ERBB4: variants seen among roughly 807,000 people sequenced by gnomAD.
ERBB4 encodes the protein erb-b2 receptor tyrosine kinase 4.
A neutral mutation model predicts 158.0 loss-of-function variants in ERBB4; 42 were observed. That is an observed-to-expected ratio of 0.27 (90% confidence interval 0.21 to 0.34). The LOEUF (loss-of-function observed/expected upper bound fraction) is 0.34, where lower values mean the gene tolerates loss of function less well. Among genes scored for constraint, ERBB4 ranks in the 10% least tolerant of loss-of-function variants. ERBB4 has a pLI of 1.00. For missense variants in ERBB4, 1,333 were observed against 1,624.1 expected, an observed-to-expected ratio of 0.82 and a Z score of 3.08; for synonymous variants, 583 against 558.7, an observed-to-expected ratio of 1.04 and a Z score of -0.61.
At chr2:212,239,933 A>C (rs912115054) in intron 1 of ERBB4, among the ~76,000 whole-genome samples, 2 of 152,226 alleles carry the variant, frequency 1.3e-5, no homozygotes, top group Non-Finnish European at 2.9e-5. Context: ...GCAAACTAAT[A>C]CACAAAGAAG....
intron 4 of ERBB4, chr2:211,779,630 T>C (rs773988210): frequency 6.6e-6 from 1 of 152,214 alleles, no homozygotes; most frequent in Non-Finnish European, 1.5e-5. Context: ...GTTATACTAA[T>C]AATCTTTATG....
chr2:212,336,466 C>A (rs944930692), intron 1 of ERBB4, among the ~76,000 whole-genome samples: 2 of 151,952 alleles, frequency 1.3e-5, no homozygotes, highest in African/African-American at 2.4e-5. Context: ...CTCATAAGCA[C>A]AAAATGCACT....
intron 4 of ERBB4, among the ~76,000 whole-genome samples, chr2:211,764,745 G>A (rs918913692): frequency 2.0e-5 from 3 of 151,622 alleles, no homozygotes; most frequent in African/African-American, 7.2e-5. Context: ...TTGGGACAAA[G>A]GAGGGAAGAG....
chr2:212,333,148 G>A (rs549064448), intron 1 of ERBB4, among the ~76,000 whole-genome samples: 1 of 152,050 alleles, frequency 6.6e-6, no homozygotes, highest in South Asian at 2.1e-4. Flanking sequence ...TCAGAATTTA[G>A]TCACTCATTC....
intron 3 of ERBB4, among the ~76,000 whole-genome samples, chr2:211,908,595 G>A (rs1397476458): frequency 6.6e-6 from 1 of 151,634 alleles, no homozygotes; most frequent in African/African-American, 2.4e-5. Flanking sequence ...CCATGATTCC[G>A]AACACCCACT....
At chr2:211,402,001 C>A (rs1396581993) in intron 25 of ERBB4, among the ~76,000 whole-genome samples, 2 of 151,356 alleles carry the variant, frequency 1.3e-5, no homozygotes, top group Non-Finnish European at 2.9e-5. Context: ...AATTATTAAG[C>A]CAGGGTGCAG....
At chr2:212,286,597 T>TTTTTTTTTTTGTTTTG (rs1559928421) in intron 1 of ERBB4, among the ~76,000 whole-genome samples, 43 of 22,470 alleles carry the variant, frequency 1.9e-3, no homozygotes, top group Middle Eastern at 0.033. Context: ...GTGCTGACTT[T>TTTTTTTTTTTGTTTTG]TTTTTTTTTT....
chr2:211,541,747 C>T (rs1197704169), intron 20 of ERBB4, among the ~76,000 whole-genome samples: 1 of 152,002 alleles, frequency 6.6e-6, no homozygotes, highest in Non-Finnish European at 1.5e-5. Context: ...TATAACATTT[C>T]ATCAGTGCTA....
intron 20 of ERBB4, among the ~76,000 whole-genome samples, chr2:211,432,731 A>G (rs561114236): frequency 4.5e-4 from 68 of 152,284 alleles, no homozygotes; most frequent in African/African-American, 1.6e-3. Flanking sequence ...TATCACCTTC[A>G]TATCAGAACA....
At chr2:211,905,969 A>G (rs1393624627) in intron 3 of ERBB4, among the ~76,000 whole-genome samples, 1 of 151,694 alleles carries the variant, frequency 6.6e-6, no homozygotes, top group Non-Finnish European at 1.5e-5. Context: ...TATGGCTGGA[A>G]TGCAGTGAGA....
intron 20 of ERBB4, among the ~76,000 whole-genome samples, chr2:211,511,384 T>G (rs565001657): frequency 1.3e-5 from 2 of 152,040 alleles, no homozygotes; most frequent in East Asian, 1.9e-4. Context: ...TACATGTTCT[T>G]GAATAAATAC....
intron 1 of ERBB4, among the ~76,000 whole-genome samples, chr2:212,146,301 T>A (rs1367477715): frequency 6.6e-6 from 1 of 152,212 alleles, no homozygotes; most frequent in East Asian, 1.9e-4. Context: ...GGGACTTCTA[T>A]TTTCTGTTTT....
chr2:211,376,728 C>CT lies in ERBB4; in HGVS notation c.*6886dup, dbSNP rs1316560615. ...ATGTTTGAGAGTAGATTTAAGATGA[C>CT]TTTTTTTGTGCTATGAATTGTCTTC... On this transcript the variant is annotated 3_prime_UTR_variant, in exon 28 of 28. Transcript: ENST00000342788. The CT allele has an allele frequency of 8.6e-6, 2 of 233,054 alleles. No homozygotes were observed. Among genetic ancestry groups the CT allele is most frequent in the South Asian group, 1.8e-4 (1 of 5,528 alleles). 14.4% of individuals were successfully genotyped at this position (233,054 alleles called of 1,614,324 possible).
chr2:212,071,243 C>A (rs550185336), intron 2 of ERBB4, among the ~76,000 whole-genome samples: 1 of 151,484 alleles, frequency 6.6e-6, no homozygotes, highest in East Asian at 2.0e-4. Context: ...TGATCTGGTC[C>A]ATACCTATAT....
chr2:211,895,464 C>CCTTCAG lies in ERBB4; in HGVS notation c.421+51960_421+51965dup, dbSNP rs552509656. 1.7e-3 allele frequency among the ~76,000 whole-genome samples: 264 copies of CCTTCAG among 151,952 alleles called. 1 individual carries two copies. The highest frequency in any genetic ancestry group is 2.7e-4 in the Non-Finnish European group (18 of 67,910). ...AAGAGATGGGGTTCTCACTTTTTTTCCTTCAGCTGGTCTAGAATTCCTGGC... is the reference window on the plus strand; with the variant it reads ...AAGAGATGGGGTTCTCACTTTTTTTCCTTCAGCTTCAGCTGGTCTAGAATTCCTGGC... On this transcript the variant is annotated intron_variant, in intron 3 of 27. Coordinates refer to ENST00000342788, the MANE Select transcript of ERBB4 (RefSeq NM_005235.3).
intron 1 of ERBB4, among the ~76,000 whole-genome samples, chr2:212,337,939 A>G (rs1226795765): frequency 1.8e-4 from 28 of 152,078 alleles, no homozygotes; most frequent in Admixed American, 1.8e-3. Flanking sequence ...TCCGGGGACT[A>G]CAGCTTATCT....
chr2:211,461,442 C>G (rs942188023), intron 20 of ERBB4, among the ~76,000 whole-genome samples: 2 of 152,030 alleles, frequency 1.3e-5, no homozygotes, highest in African/African-American at 4.8e-5. Flanking sequence ...CTGGGGAAAA[C>G]AAGGGATGTC....
At chr2:212,435,538 T>C (rs995007352) in intron 1 of ERBB4, among the ~76,000 whole-genome samples, 6 of 151,928 alleles carry the variant, frequency 3.9e-5, no homozygotes, top group African/African-American at 1.4e-4. Context: ...CTAACATACA[T>C]TCTTGTTAAT....
At chr2:211,576,138 C>T (rs559327929) in intron 19 of ERBB4, among the ~76,000 whole-genome samples, 293 of 152,094 alleles carry the variant, frequency 1.9e-3, no homozygotes, top group African/African-American at 6.9e-3. Flanking sequence ...AATATTACCA[C>T]CCACTCAGGC....
Sources: gnomAD v4.1 joint callset for allele counts (sites outside exome capture counted in the v4.1 genomes callset) on GRCh38, gnomAD v4.1.1 for gene constraint, MANE v1.5 for transcripts, NCBI Gene and HGNC (gene_info 2026-07-23, HGNC 2026-07-21) for gene names.